SEMA3D: variants seen among roughly 807,000 people sequenced by gnomAD.
The protein encoded by SEMA3D is semaphorin 3D.
A neutral mutation model predicts 100.1 loss-of-function variants in SEMA3D; 84 were observed. That is an observed-to-expected ratio of 0.84 (90% CI 0.70 to 1.01). The LOEUF (loss-of-function observed/expected upper bound fraction) is 1.01. SEMA3D is among the 50% of genes least tolerant of loss of function. The probability of loss-of-function intolerance (pLI) is 0.00; values close to 1 mark genes in which losing one functional copy is unlikely to be tolerated. For missense variants in SEMA3D, 875 were observed against 934.1 expected (o/e 0.94, Z 0.82); for synonymous variants, 312 against 320.7 (o/e 0.97, Z 0.29).
At chr7:85,114,090 TC>T (rs1583936341) in intron 3 of SEMA3D, among the ~76,000 whole-genome samples, 1 of 152,294 alleles carries the variant, frequency 6.6e-6, no homozygotes, top group East Asian at 1.9e-4. Flanking sequence ...TGATCTCAAG[TC>T]AATAAGTTGT....
chr7:85,010,620 C>CT (rs946510714), intron 17 of SEMA3D, among the ~76,000 whole-genome samples: 1 of 151,788 alleles, frequency 6.6e-6, no homozygotes, highest in Non-Finnish European at 1.5e-5. Context: ...CTCCTAGCTG[C>CT]TTTTTGACAT....
chr7:85,054,477 A>T (rs990995806), intron 9 of SEMA3D, among the ~76,000 whole-genome samples: 5 of 152,100 alleles, frequency 3.3e-5, no homozygotes. Flanking sequence ...GTGAATTCTT[A>T]GAGTCTGAAA....
At chr7:85,018,367 C>T (rs1052984550) in intron 14 of SEMA3D, 74 bp from the exon 15 acceptor site, 12 of 911,026 alleles carry the variant, frequency 1.3e-5, no homozygotes, top group Non-Finnish European at 2.2e-5. Flanking sequence ...GTTGTTTTAT[C>T]TGATGCCATA....
chr7:85,018,483 A>G (rs1374934653), intron 14 of SEMA3D, among the ~76,000 whole-genome samples, 190 bp from the exon 15 acceptor site: 1 of 151,782 alleles, frequency 6.6e-6, no homozygotes, highest in Non-Finnish European at 1.5e-5. Flanking sequence ...AGAAATGATA[A>G]AAAGTTATTT....
chr7:85,010,540 C>T (rs1789922568), intron 17 of SEMA3D, among the ~76,000 whole-genome samples: 2 of 151,630 alleles, frequency 1.3e-5, no homozygotes, highest in Non-Finnish European at 2.9e-5. Context: ...GAAAGCTTGG[C>T]CATGAGCCAG....
At chr7:85,019,999 T>C (rs1355651640) in intron 14 of SEMA3D, among the ~76,000 whole-genome samples, 2 of 151,630 alleles carry the variant, frequency 1.3e-5, no homozygotes, top group Non-Finnish European at 3.0e-5. Context: ...GAGAATGCAG[T>C]AATGAGAGGC....
chr7:85,164,954 C>A (rs1161547565), intron 1 of SEMA3D, among the ~76,000 whole-genome samples: 1 of 151,808 alleles, frequency 6.6e-6, no homozygotes, highest in African/African-American at 2.4e-5. Flanking sequence ...TAGAAGATGT[C>A]ATTTAGCGTT....
the SEMA3D span, among the ~76,000 whole-genome samples, chr7:85,202,097 G>A: frequency 6.6e-5 from 10 of 151,126 alleles, no homozygotes; most frequent in Non-Finnish European, 1.3e-4. Context: ...TAGGGTACAT[G>A]TGCACATTGT....
At chr7:85,156,608 T>C (rs1369806427) in intron 1 of SEMA3D, among the ~76,000 whole-genome samples, 6 of 152,212 alleles carry the variant, frequency 3.9e-5, no homozygotes, top group Non-Finnish European at 8.8e-5. Context: ...GAATTTATCC[T>C]AATTTATGAG....
At chr7:85,061,888 C>A (rs1791488140) in intron 8 of SEMA3D, among the ~76,000 whole-genome samples, 1 of 152,158 alleles carries the variant, frequency 6.6e-6, no homozygotes, top group East Asian at 1.9e-4. Context: ...TGGCTCCAGC[C>A]AGACTGCCTA....
chr7:85,175,920 G>T (rs767320716), intron 1 of SEMA3D, among the ~76,000 whole-genome samples: 26 of 152,028 alleles, frequency 1.7e-4, no homozygotes, highest in African/African-American at 6.3e-4. Context: ...AATATATAAA[G>T]AATTCACTCT....
At chr7:85,145,170 C>T (rs1484360507) in intron 2 of SEMA3D, among the ~76,000 whole-genome samples, 1 of 151,624 alleles carries the variant, frequency 6.6e-6, no homozygotes, top group Admixed American at 6.6e-5. Flanking sequence ...GTTTTTTTAA[C>T]CCTTATTTTA....
chr7:85,220,075 T>C, the SEMA3D span, among the ~76,000 whole-genome samples: 1 of 152,060 alleles, frequency 6.6e-6, no homozygotes, highest in African/African-American at 2.4e-5. Flanking sequence ...TGCTCCTAAC[T>C]GTAATAATAA....
rs1290746866 is a variant in SEMA3D at position 85,153,753 on chromosome 7, G to C, written c.-172-14C>G. Reference sequence around the variant, plus strand: ...AAGTGTAAAGACCTGAAAAACAGGAGAGATAATACTGTAGTTCCAGTCCAA... The same window carrying C: ...AAGTGTAAAGACCTGAAAAACAGGACAGATAATACTGTAGTTCCAGTCCAA... On this transcript the variant is annotated splice_polypyrimidine_tract_variant and intron_variant, in intron 1 of 18. Transcript: ENST00000284136. 1 of 152,174 alleles carries C rather than the reference G, an allele frequency of 6.6e-6. No individual in the cohort carries two copies. Among genetic ancestry groups the C allele is most frequent in the Non-Finnish European group, 1.5e-5 (1 of 68,048 alleles). 9.4% of individuals were successfully genotyped at this position (152,174 alleles called of 1,614,324 possible).
intron 12 of SEMA3D, among the ~76,000 whole-genome samples, chr7:85,032,673 T>C (rs1790579741): frequency 6.6e-6 from 1 of 152,106 alleles, no homozygotes; most frequent in African/African-American, 2.4e-5. Flanking sequence ...CTAATAAATT[T>C]ATATTATGTG....
At chr7:85,249,924 G>C in the SEMA3D span, among the ~76,000 whole-genome samples, 1 of 152,192 alleles carries the variant, frequency 6.6e-6, no homozygotes, top group Non-Finnish European at 1.5e-5. Flanking sequence ...CGACGCAGAA[G>C]ACGGGTGATT....
chr7:85,127,657 T>C (rs1789603324), intron 2 of SEMA3D, among the ~76,000 whole-genome samples: 1 of 152,180 alleles, frequency 6.6e-6, no homozygotes, highest in South Asian at 2.1e-4. Context: ...AAAATATTAC[T>C]GTGAATGACT....
intron 12 of SEMA3D, among the ~76,000 whole-genome samples, chr7:85,024,302 A>G (rs1790333707): frequency 6.6e-6 from 1 of 151,932 alleles, no homozygotes; most frequent in South Asian, 2.1e-4. Context: ...AACCCAGAGC[A>G]AGATTTTGCC....
intron 17 of SEMA3D, among the ~76,000 whole-genome samples, chr7:85,008,526 T>C (rs1584519971): frequency 6.6e-6 from 1 of 151,354 alleles, no homozygotes; most frequent in Non-Finnish European, 1.5e-5. Flanking sequence ...TATATACACA[T>C]ACACACACAC....
Sources: allele counts gnomAD v4.1 joint callset (sites outside exome capture counted in the v4.1 genomes callset), GRCh38; gene constraint gnomAD v4.1.1; transcripts MANE v1.5; gene names NCBI Gene and HGNC (gene_info 2026-07-23, HGNC 2026-07-21).